DLG2: variants seen among roughly 807,000 people sequenced by gnomAD.
DLG2 encodes the protein discs large MAGUK scaffold protein 2, also known as disks large homolog 2.
DLG2 carries 45 observed loss-of-function variants against 132.5 expected under a neutral mutation model. The ratio of observed to expected loss-of-function variants is 0.34; its 90% confidence interval spans 0.27 to 0.44. The LOEUF is 0.44. DLG2 is among the 20% of genes least tolerant of loss of function. The probability of loss-of-function intolerance (pLI) is 1.00; values close to 1 mark genes in which losing one functional copy is unlikely to be tolerated. For missense variants in DLG2, 1,045 were observed against 1,196.9 expected, an observed-to-expected ratio of 0.87 and a Z score of 1.87; for synonymous variants, 424 against 419.6, an observed-to-expected ratio of 1.01 and a Z score of -0.13.
chr11:85,147,508 A>G (rs186364337), intron 5 of DLG2, among the ~76,000 whole-genome samples: 4 of 152,324 alleles, frequency 2.6e-5, no homozygotes, highest in East Asian at 1.9e-4. Context: ...ACTGAGTTGT[A>G]TAAGTTCTTT....
chr11:85,278,768 T>C (rs1298122122), intron 4 of DLG2, among the ~76,000 whole-genome samples: 2 of 152,204 alleles, frequency 1.3e-5, no homozygotes, highest in Non-Finnish European at 2.9e-5. Flanking sequence ...AAACCATCTC[T>C]AGTACTCTAG....
intron 6 of DLG2, chr11:84,922,989 A>C: frequency 6.5e-7 from 1 of 1,542,294 alleles, no homozygotes; most frequent in Non-Finnish European, 9.0e-7. Flanking sequence ...CAGCAATCCG[A>C]AAAGTCCTGA....
Position 85,180,429 on chromosome 11 carries a change from A to G in DLG2, c.187-25778T>C, listed in dbSNP as rs72945936. Among the ~76,000 whole-genome samples, 700 of 151,952 alleles carry G rather than the reference A, an allele frequency of 4.6e-3. 3 individuals carry two copies. Among genetic ancestry groups the G allele is most frequent in the Non-Finnish European group, 7.9e-3 (534 of 67,808 alleles). On this transcript the variant is annotated intron_variant, in intron 4 of 27. Coordinates refer to ENST00000376104, the MANE Select transcript of DLG2 (RefSeq NM_001142699.3). ...GGGCAAACCACAAAGTCCTTTCATT[A>G]ACTAAAGTTGAGTGGAAGCTACAGA...
At chr11:85,063,080 G>A (rs982570781) in intron 6 of DLG2, among the ~76,000 whole-genome samples, 11 of 151,846 alleles carry the variant, frequency 7.2e-5, no homozygotes, top group African/African-American at 2.4e-4. Context: ...AGTGGGTACT[G>A]AGTTTACTGC....
Position 84,820,983 on chromosome 11 carries a change from T to C in DLG2, c.358-286252A>G, listed in dbSNP as rs151062345. 5.9e-5 allele frequency among the ~76,000 whole-genome samples: 9 copies of C among 151,954 alleles called. No individual in the cohort carries two copies. In the East Asian group the frequency reaches 1.6e-3, roughly 26 times the overall value. On this transcript the variant is annotated intron_variant, in intron 6 of 27. Transcript: ENST00000376104. ...CAAGTGTTCTACCACCCTAGAAACT[T>C]GGCATGGAGTAGATAGACTGTAAAT...
At chr11:84,932,128 T>A (rs892617218) in intron 6 of DLG2, among the ~76,000 whole-genome samples, 3 of 152,246 alleles carry the variant, frequency 2.0e-5, no homozygotes, top group Non-Finnish European at 4.4e-5. Context: ...TTTAATTCAT[T>A]CCCATTTGTC....
intron 6 of DLG2, among the ~76,000 whole-genome samples, chr11:84,827,228 A>G (rs1255956997): frequency 6.6e-6 from 1 of 151,748 alleles, no homozygotes; most frequent in Non-Finnish European, 1.5e-5. Context: ...TCCTTATGTT[A>G]AAGTCTCTCA....
intron 6 of DLG2, among the ~76,000 whole-genome samples, chr11:85,047,382 AT>A (rs1224314556): frequency 6.6e-6 from 1 of 151,970 alleles, no homozygotes; most frequent in Non-Finnish European, 1.5e-5. Flanking sequence ...GAACATTTCA[AT>A]TTTAAGACTC....
intron 9 of DLG2, among the ~76,000 whole-genome samples, chr11:84,151,051 G>A (rs1348001130): frequency 3.3e-5 from 5 of 152,058 alleles, no homozygotes; most frequent in Non-Finnish European, 7.4e-5. Context: ...TCACATCAGG[G>A]ATATTGGCTT....
intron 10 of DLG2, among the ~76,000 whole-genome samples, chr11:84,098,708 A>G (rs185641821): frequency 1.8e-4 from 28 of 152,294 alleles, no homozygotes; most frequent in Non-Finnish European, 3.1e-4. Context: ...GCCTGGCCCA[A>G]TGTTCAATGT....
rs182951271 is a variant in DLG2, at chr11:84,431,237, C to T, written c.519+103333G>A. 5.5e-4 allele frequency among the ~76,000 whole-genome samples: 83 copies of T among 152,048 alleles called. 1 individual carries two copies. The East Asian group carries it at 0.012, about 21-fold the overall frequency. On this transcript the variant is annotated intron_variant, in intron 7 of 27. Transcript: ENST00000376104. ...ATATACACACACAATATATAGTATA[C>T]GCAAACATACAGAAGCAGAGTATTA...
At chr11:83,633,806 C>T (rs757549911) in intron 18 of DLG2, among the ~76,000 whole-genome samples, 4 of 148,862 alleles carry the variant, frequency 2.7e-5, no homozygotes, top group African/African-American at 9.9e-5. Flanking sequence ...TGAATAATAT[C>T]GATGAATTGT....
intron 8 of DLG2, among the ~76,000 whole-genome samples, chr11:84,193,593 T>C (rs34263119): frequency 0.05 from 7,610 of 152,274 alleles, 228 homozygotes; most frequent in Non-Finnish European, 0.06. Flanking sequence ...CAAAATTATT[T>C]TCCACTTTTG....
intron 18 of DLG2, among the ~76,000 whole-genome samples, chr11:83,755,829 T>C (rs761637575): frequency 6.6e-6 from 1 of 151,450 alleles, no homozygotes; most frequent in African/African-American, 2.5e-5. Context: ...ACAGATATCT[T>C]GAAATTTGGC....
intron 16 of DLG2, among the ~76,000 whole-genome samples, chr11:83,848,867 G>T (rs1267526172): frequency 6.6e-6 from 1 of 152,140 alleles, no homozygotes; most frequent in Non-Finnish European, 1.5e-5. Flanking sequence ...ATCTCCAGAT[G>T]AACCAGTTTA....
chr11:84,375,632 T>G (rs751445271), intron 7 of DLG2, among the ~76,000 whole-genome samples: 1 of 152,066 alleles, frequency 6.6e-6, no homozygotes, highest in African/African-American at 2.4e-5. Flanking sequence ...CGTTTTAGTA[T>G]TAACCTAAAG....
intron 3 of DLG2, among the ~76,000 whole-genome samples, chr11:85,427,490 G>T (rs551851891): frequency 5.9e-5 from 9 of 152,310 alleles, no homozygotes; most frequent in South Asian, 2.1e-4. Flanking sequence ...TTAAAGAAAA[G>T]AATTTTCAAT....
At chr11:85,033,926 T>C (rs2061231931) in intron 6 of DLG2, among the ~76,000 whole-genome samples, 1 of 152,098 alleles carries the variant, frequency 6.6e-6, no homozygotes, top group Admixed American at 6.5e-5. Context: ...CTTTTTGCAG[T>C]GGCGTACAAT....
intron 6 of DLG2, among the ~76,000 whole-genome samples, chr11:84,762,841 G>T (rs573051081): frequency 3.3e-5 from 5 of 152,218 alleles, no homozygotes; most frequent in South Asian, 4.1e-4. Context: ...TTTCAATAAA[G>T]CATACTAAGG....
Sources: gnomAD v4.1 joint callset for allele counts (sites outside exome capture counted in the v4.1 genomes callset) on GRCh38, gnomAD v4.1.1 for gene constraint, MANE v1.5 for transcripts, NCBI Gene and HGNC (gene_info 2026-07-23, HGNC 2026-07-21) for gene names.